Variants in MBOAT1 observed in about 807,000 individuals in gnomAD.
MBOAT1 encodes the protein membrane bound glycerophospholipid O-acyltransferase 1.
A neutral mutation model predicts 64.4 loss-of-function variants in MBOAT1; 67 were observed. The ratio of observed to expected loss-of-function variants is 1.04; its 90% CI spans 0.85 to 1.27. MBOAT1 has a LOEUF of 1.27. MBOAT1 is among the 50% of genes most tolerant of loss of function. The probability of loss-of-function intolerance (pLI) is 0.00; values close to 1 mark genes in which losing one functional copy is unlikely to be tolerated. For missense variants in MBOAT1, 563 were observed against 604.6 expected, an observed-to-expected ratio of 0.93 and a Z score of 0.72; for synonymous variants, 229 against 218.9, an observed-to-expected ratio of 1.05 and a Z score of -0.41.
In MBOAT1 at chr6:20,193,604, C is replaced by CTT. The variant is rs367932037; in HGVS notation, c.99+18530_99+18531dup. Among the ~76,000 whole-genome samples the CTT allele has an allele frequency of 3.4e-3, 443 of 129,714 alleles. 4 individuals are homozygous for CTT. The highest frequency in any genetic ancestry group is 5.2e-3 in the African/African-American group (177 of 34,308). 85.1% of individuals were successfully genotyped at this position (129,714 alleles called of 152,430 possible). On this transcript the variant is annotated intron_variant, in intron 1 of 12. Coordinates refer to ENST00000324607, the MANE Select transcript of MBOAT1 (RefSeq NM_001080480.3). ...AAAGAGTCAAGAGGAACCAAAAATC[C>CTT]TTTTTTTTTTTTTTTTTTTTAAAGA...
At chr6:20,196,715 G>T (rs1375700779) in intron 1 of MBOAT1, among the ~76,000 whole-genome samples, 1 of 151,990 alleles carries the variant, frequency 6.6e-6, no homozygotes, top group Non-Finnish European at 1.5e-5. Flanking sequence ...ACAAAAATTA[G>T]CTGGGCATGA....
In MBOAT1 at chr6:20,175,476, T is replaced by G. The variant is rs191156586; in HGVS notation, c.100-22707A>C. ...TTATTTATTTTTTTGAAATGGAGTC[T>G]CACTCTGTTGCCCAGGCTGGAGTGC... On this transcript the variant is annotated intron_variant, in intron 1 of 12. Coordinates refer to ENST00000324607, the MANE Select transcript of MBOAT1 (RefSeq NM_001080480.3). Among the ~76,000 whole-genome samples, 524 of 152,192 alleles carry G rather than the reference T, an allele frequency of 3.4e-3. 3 individuals are homozygous for G. Among genetic ancestry groups the G allele is most frequent in the African/African-American group, 0.012 (493 of 41,530 alleles).
intron 1 of MBOAT1, among the ~76,000 whole-genome samples, chr6:20,204,060 A>G (rs1020388632): frequency 6.6e-6 from 1 of 152,172 alleles, no homozygotes; most frequent in Non-Finnish European, 1.5e-5. Flanking sequence ...TTTAAATTCA[A>G]TTTGTTAACA....
chr6:20,209,713 T>C lies in MBOAT1; in HGVS notation c.99+2423A>G, dbSNP rs1327598298. Among the ~76,000 whole-genome samples the C allele has an allele frequency of 2.0e-5, 3 of 152,344 alleles. No individual in the cohort carries two copies. The East Asian group carries it at 5.8e-4, about 29-fold the overall frequency. Reference sequence around the variant, plus strand: ...AGGCCAATCAAAAGTCACTCTCTAATGGGACAGGAGCAAACACGTATCAAG... The same window carrying C: ...AGGCCAATCAAAAGTCACTCTCTAACGGGACAGGAGCAAACACGTATCAAG... On this transcript the variant is annotated intron_variant, in intron 1 of 12. Transcript: ENST00000324607.
At chr6:20,204,901 A>G (rs753652029) in intron 1 of MBOAT1, among the ~76,000 whole-genome samples, 2 of 152,166 alleles carry the variant, frequency 1.3e-5, no homozygotes, top group Non-Finnish European at 2.9e-5. Flanking sequence ...TCCTAACTTG[A>G]AATTTGGGGA....
chr6:20,147,456 A>G (rs1381956375), intron 3 of MBOAT1, among the ~76,000 whole-genome samples: 2 of 152,216 alleles, frequency 1.3e-5, no homozygotes, highest in Admixed American at 1.3e-4. Context: ...CCTGACCAAT[A>G]TGGAGAAACC....
At chr6:20,102,512 C>T in intron 12 of MBOAT1, 100 bp from the exon 13 acceptor site, 1 of 1,008,980 alleles carries the variant, frequency 9.9e-7, no homozygotes, top group Non-Finnish European at 1.4e-6. Context: ...GAGAGCACCG[C>T]TTTTGGCAGT....
At position 20,118,448 on chromosome 6, in the gene MBOAT1, A is replaced by C; in HGVS notation, c.1000T>G (p.Trp334Gly). 1 of 1,613,752 alleles carries C rather than the reference A, an allele frequency of 6.2e-7. No individual in the cohort carries two copies. Among genetic ancestry groups the C allele is most frequent in the Non-Finnish European group, 8.5e-7 (1 of 1,179,764 alleles). ...CWDLLSNLNI[W>G]KIETATSFKM... ...AAGCATACACTCACCTCAATTTTCC[A>C]GATGTTTAGGTTCGAAAGCAGATCC... Residue 334 changes from tryptophan to glycine, a missense_variant, in exon 9 of 13, where the codon TGG (tryptophan) becomes GGG (glycine). Physicochemically the swap from Trp to Gly is radical, Grantham distance 184 (BLOSUM62 -2). Coordinates refer to ENST00000324607, the MANE Select transcript of MBOAT1 (RefSeq NM_001080480.3).
intron 1 of MBOAT1, among the ~76,000 whole-genome samples, chr6:20,165,549 C>T (rs1340869737): frequency 6.6e-6 from 1 of 152,014 alleles, no homozygotes. Flanking sequence ...TCAAGCCCAG[C>T]CTTTCCAATA....
chr6:20,197,884 C>T (rs1214042163), intron 1 of MBOAT1, among the ~76,000 whole-genome samples: 1 of 151,966 alleles, frequency 6.6e-6, no homozygotes, highest in East Asian at 1.9e-4. Context: ...GCTATCTCTA[C>T]AACTTTTCTT....
At chr6:20,204,614 C>T (rs1763209969) in intron 1 of MBOAT1, among the ~76,000 whole-genome samples, 1 of 151,976 alleles carries the variant, frequency 6.6e-6, no homozygotes, top group Non-Finnish European at 1.5e-5. Flanking sequence ...ATTTTAGGGC[C>T]CAGCCTGAAA....
Position 20,109,672 on chromosome 6 carries a change from G to GACGGCCCAGGTGCCTGCATCATAC in MBOAT1, c.1263_1286dup (p.Tyr422_Val429dup). On this transcript the variant is annotated inframe_insertion, in exon 12 of 13. Coordinates refer to ENST00000324607, the MANE Select transcript of MBOAT1 (RefSeq NM_001080480.3). Reference sequence around the variant, plus strand: ...CCGTGTAAGAGACAGCCAGCTGAGTGACGGCCCAGGTGCCTGCATCATACA... The same window carrying GACGGCCCAGGTGCCTGCATCATAC: ...CCGTGTAAGAGACAGCCAGCTGAGTGACGGCCCAGGTGCCTGCATCATACACGGCCCAGGTGCCTGCATCATACA... 3 of 1,614,188 alleles carry GACGGCCCAGGTGCCTGCATCATAC rather than the reference G, an allele frequency of 1.9e-6. No homozygotes were observed. Among genetic ancestry groups the GACGGCCCAGGTGCCTGCATCATAC allele is most frequent in the Non-Finnish European group, 2.5e-6 (3 of 1,180,012 alleles).
At chr6:20,175,495 G>A (rs964307178) in intron 1 of MBOAT1, among the ~76,000 whole-genome samples, 18 of 151,998 alleles carry the variant, frequency 1.2e-4, no homozygotes, top group Non-Finnish European at 2.9e-5. Context: ...TGCCCAGGCT[G>A]GAGTGCAGTA....
chr6:20,202,525 AAG>A (rs1206333226), intron 1 of MBOAT1, among the ~76,000 whole-genome samples: 2 of 152,204 alleles, frequency 1.3e-5, no homozygotes, highest in Non-Finnish European at 2.9e-5. Flanking sequence ...ACCATAAAAG[AAG>A]ATTAACCACT....
chr6:20,200,300 G>C (rs900549940), intron 1 of MBOAT1, among the ~76,000 whole-genome samples: 1 of 152,148 alleles, frequency 6.6e-6, no homozygotes, highest in Admixed American at 6.5e-5. Flanking sequence ...GATCTTTTTA[G>C]CTAAGTCTAC....
At chr6:20,115,460 G>T in intron 9 of MBOAT1, 108 bp from the exon 10 acceptor site, 1 of 834,334 alleles carries the variant, frequency 1.2e-6, no homozygotes, top group South Asian at 1.4e-5. Context: ...TTTCAATAGT[G>T]ACTGCTCACA....
At chr6:20,122,873 C>A (rs1396649789) in intron 8 of MBOAT1, among the ~76,000 whole-genome samples, 2 of 152,044 alleles carry the variant, frequency 1.3e-5, no homozygotes, top group Non-Finnish European at 2.9e-5. Flanking sequence ...GCTCCATCAT[C>A]CAGGCCGGAG....
At chr6:20,146,104 A>T (rs560770577) in intron 3 of MBOAT1, among the ~76,000 whole-genome samples, 1 of 152,340 alleles carries the variant, frequency 6.6e-6, no homozygotes, top group South Asian at 2.1e-4. Context: ...AAATGAATAC[A>T]TTACACATTT....
chr6:20,163,975 A>G (rs989235716), intron 1 of MBOAT1, among the ~76,000 whole-genome samples: 3 of 152,006 alleles, frequency 2.0e-5, no homozygotes, highest in Non-Finnish European at 4.4e-5. Context: ...CGGGATGTCA[A>G]GTTTTATACA....
Sources: gnomAD v4.1 joint callset for allele counts (sites outside exome capture counted in the v4.1 genomes callset) on GRCh38, gnomAD v4.1.1 for gene constraint, MANE v1.5 for transcripts, NCBI Gene and HGNC (gene_info 2026-07-23, HGNC 2026-07-21) for gene names.